AGFG1: variants seen among roughly 807,000 people sequenced by gnomAD.
The protein encoded by AGFG1 is arf-GAP domain and FG repeat-containing protein 1.
Under a neutral mutation model 60.6 loss-of-function variants are expected in AGFG1, and 10 were observed. The ratio of observed to expected loss-of-function variants is 0.16; its 90% CI spans 0.10 to 0.28. The LOEUF (loss-of-function observed/expected upper bound fraction) is 0.28. Ranked by LOEUF, AGFG1 falls within the 10% of genes least tolerant of loss-of-function variation. The pLI is 1.00. For synonymous variants in AGFG1, 247 were observed against 242.9 expected, an observed-to-expected ratio of 1.02 and a Z score of -0.16; for missense variants, 537 against 676.5, an observed-to-expected ratio of 0.79 and a Z score of 2.29.
chr2:227,478,749 TG>T (rs1268507074), intron 1 of AGFG1, among the ~76,000 whole-genome samples: 1 of 152,234 alleles, frequency 6.6e-6, no homozygotes, highest in East Asian at 1.9e-4. Context: ...AGACTCATGC[TG>T]TACTATTTAT....
intron 1 of AGFG1, 21 bp downstream of exon 1, chr2:227,472,609 CG>C (rs1690126355): frequency 6.5e-7 from 1 of 1,528,368 alleles, no homozygotes; most frequent in Non-Finnish European, 8.8e-7. Flanking sequence ...GGCGGCCGGG[CG>C]GGTGTCGGGC....
At chr2:227,507,760 GCAC>G (rs961472401) in intron 2 of AGFG1, among the ~76,000 whole-genome samples, 6 of 151,894 alleles carry the variant, frequency 4.0e-5, no homozygotes, top group Non-Finnish European at 8.8e-5. Flanking sequence ...TAGATATGGT[GCAC>G]CACCATTTGT....
chr2:227,520,497 T>A (rs1450715584), intron 3 of AGFG1, among the ~76,000 whole-genome samples: 1 of 152,224 alleles, frequency 6.6e-6, no homozygotes, highest in African/African-American at 2.4e-5. Context: ...TCTACTTAAT[T>A]GTCTGTTGTA....
intron 10 of AGFG1, among the ~76,000 whole-genome samples, chr2:227,537,424 T>G (rs1332518017): frequency 3.9e-5 from 6 of 152,244 alleles, no homozygotes; most frequent in African/African-American, 1.4e-4. Context: ...TCAGATGACT[T>G]TACTACATGA....
At chr2:227,508,649 A>G (rs781758382) in intron 2 of AGFG1, 64 of 469,956 alleles carry the variant, frequency 1.4e-4, no homozygotes, top group Non-Finnish European at 2.7e-4. Flanking sequence ...AGGCGTCACA[A>G]AGTAAGTTTA....
intron 1 of AGFG1, among the ~76,000 whole-genome samples, chr2:227,489,215 T>C (rs7604625): frequency 7.0e-6 from 1 of 143,478 alleles, no homozygotes; most frequent in Non-Finnish European, 1.5e-5. Context: ...TCAGAGTTAG[T>C]TTTGAGAGTT....
intron 7 of AGFG1, among the ~76,000 whole-genome samples, 187 bp from the exon 8 acceptor site, chr2:227,534,658 T>C (rs776043613): frequency 2.0e-5 from 3 of 152,226 alleles, no homozygotes; most frequent in Non-Finnish European, 4.4e-5. Context: ...TCTGTCTTTA[T>C]CACAGTGGTA....
At chr2:227,488,117 C>T (rs746079050) in intron 1 of AGFG1, among the ~76,000 whole-genome samples, 5 of 152,240 alleles carry the variant, frequency 3.3e-5, no homozygotes, top group South Asian at 2.1e-4. Flanking sequence ...AATCCTGTAA[C>T]GAGTAACAAA....
At chr2:227,477,076 A>G (rs1044283198) in intron 1 of AGFG1, among the ~76,000 whole-genome samples, 3 of 151,790 alleles carry the variant, frequency 2.0e-5, no homozygotes, top group Non-Finnish European at 4.4e-5. Context: ...TAGTTTTTGT[A>G]TTTATAGTAG....
At chr2:227,474,861 A>C (rs888416472) in intron 1 of AGFG1, among the ~76,000 whole-genome samples, 2 of 152,214 alleles carry the variant, frequency 1.3e-5, no homozygotes, top group African/African-American at 4.8e-5. Context: ...AATGTCACTC[A>C]ATCTATTTGA....
chr2:227,534,750 A>G lies in AGFG1; in HGVS notation c.1025-95A>G, dbSNP rs867807855. 5.3e-6 allele frequency: 7 copies of G among 1,329,774 alleles called. 1 individual carries two copies. The Middle Eastern group carries it at 1.2e-3, about 220-fold the overall frequency. The allele number at this position is 1,329,774 out of a possible 1,614,324, so 82.4% of individuals were successfully genotyped here. On this transcript the variant is annotated intron_variant, in intron 7 of 12. Transcript: ENST00000310078. ...TGGAATCCTGCTTAACTCTAAATCC[A>G]TTTTAAGTTTACCTGTGTTTCATGG...
chr2:227,490,682 G>A (rs935431757), intron 1 of AGFG1, among the ~76,000 whole-genome samples: 1 of 152,068 alleles, frequency 6.6e-6, no homozygotes, highest in Non-Finnish European at 1.5e-5. Context: ...GGAACTTTGC[G>A]TAGGTTACTT....
intron 2 of AGFG1, among the ~76,000 whole-genome samples, chr2:227,507,309 CA>C (rs1332319306): frequency 1.3e-5 from 2 of 152,068 alleles, no homozygotes; most frequent in Non-Finnish European, 2.9e-5. Flanking sequence ...TCCTACCTAA[CA>C]AGGCATTAAT....
intron 10 of AGFG1, among the ~76,000 whole-genome samples, chr2:227,549,116 AT>A (rs779937698): frequency 2.0e-5 from 3 of 151,782 alleles, no homozygotes; most frequent in Non-Finnish European, 4.4e-5. Flanking sequence ...TGTTACATTT[AT>A]TCTTCACAGC....
intron 11 of AGFG1, among the ~76,000 whole-genome samples, chr2:227,553,495 C>CAA (rs5839218): frequency 0.017 from 2,072 of 119,932 alleles, 15 homozygotes; most frequent in Middle Eastern, 0.022. Context: ...GATCATGTCT[C>CAA]AAAAAAAAAA....
At chr2:227,477,767 G>A (rs1019828097) in intron 1 of AGFG1, among the ~76,000 whole-genome samples, 1 of 151,884 alleles carries the variant, frequency 6.6e-6, no homozygotes, top group Non-Finnish European at 1.5e-5. Flanking sequence ...CACCATGCCT[G>A]GCTAAATTTT....
At chr2:227,490,279 A>G (rs1031131581) in intron 1 of AGFG1, among the ~76,000 whole-genome samples, 1 of 152,136 alleles carries the variant, frequency 6.6e-6, no homozygotes, top group African/African-American at 2.4e-5. Context: ...CAAATTCTTT[A>G]AAAATATTAC....
intron 5 of AGFG1, among the ~76,000 whole-genome samples, chr2:227,525,606 C>T (rs1559187529): frequency 6.6e-6 from 1 of 152,304 alleles, no homozygotes; most frequent in Non-Finnish European, 1.5e-5. Flanking sequence ...CCTTCTTTTT[C>T]CTCCTCTGTA....
At chr2:227,499,898 G>A (rs185437771) in intron 2 of AGFG1, among the ~76,000 whole-genome samples, 2 of 152,194 alleles carry the variant, frequency 1.3e-5, no homozygotes, top group African/African-American at 2.4e-5. Context: ...GACGCAGCCC[G>A]AGTGCTACCT....
Sources: allele counts gnomAD v4.1 joint callset (sites outside exome capture counted in the v4.1 genomes callset), GRCh38; gene constraint gnomAD v4.1.1; transcripts MANE v1.5; gene names NCBI Gene and HGNC (gene_info 2026-07-23, HGNC 2026-07-21).